Variants in RIC1 observed in about 807,000 individuals in gnomAD.
RIC1 encodes guanine nucleotide exchange factor subunit RIC1.
RIC1 carries 88 observed loss-of-function variants against 169.0 expected under a neutral mutation model. That is an observed-to-expected ratio of 0.52 (90% CI 0.44 to 0.62). The LOEUF is 0.62. Ranked by LOEUF, RIC1 falls within the 20% of genes least tolerant of loss-of-function variation. The pLI, the probability that RIC1 is intolerant of heterozygous loss-of-function variation, is 0.00. For synonymous variants in RIC1, 790 were observed against 601.5 expected, an observed-to-expected ratio of 1.31 and a Z score of -4.59; for missense variants, 1,877 against 1,725.5, an observed-to-expected ratio of 1.09 and a Z score of -1.56.
intron 16 of RIC1, 133 bp downstream of exon 16, chr9:5,756,505 A>C (rs1826026895): frequency 1.9e-6 from 1 of 521,820 alleles, no homozygotes; most frequent in Admixed American, 3.9e-5. Flanking sequence ...AAAAAAAGCA[A>C]GGAGTTTTAA....
rs115503729 is a variant in RIC1, at chr9:5,638,218, C to G, written c.144+8765C>G. Reference sequence around the variant, plus strand: ...ATACCACTTGTTCATGATGAATGATCTTTTTAATATATTGTTGAATCTCAT... The same window carrying G: ...ATACCACTTGTTCATGATGAATGATGTTTTTAATATATTGTTGAATCTCAT... On this transcript the variant is annotated intron_variant, in intron 1 of 25. Transcript: ENST00000414202. Among the ~76,000 whole-genome samples, 605 of 152,236 alleles carry G rather than the reference C, an allele frequency of 4.0e-3. 6 individuals are homozygous for G. Among genetic ancestry groups the G allele is most frequent in the African/African-American group, 0.014 (574 of 41,546 alleles).
At chr9:5,710,713 ATAATTAACAACC>A (rs1822880330) in intron 3 of RIC1, among the ~76,000 whole-genome samples, 1 of 152,210 alleles carries the variant, frequency 6.6e-6, no homozygotes, top group Non-Finnish European at 1.5e-5. Flanking sequence ...GTTTGAGGAA[ATAATTAACAACC>A]TTAGACAGAT....
intron 8 of RIC1, among the ~76,000 whole-genome samples, chr9:5,740,121 C>T (rs949699288): frequency 1.3e-5 from 2 of 152,178 alleles, no homozygotes; most frequent in Non-Finnish European, 2.9e-5. Flanking sequence ...TAGGAGCAAC[C>T]AACTAGCTTC....
At chr9:5,721,305 A>G (rs75415428) in intron 6 of RIC1, among the ~76,000 whole-genome samples, 3,433 of 152,326 alleles carry the variant, frequency 0.023, 138 homozygotes, top group African/African-American at 0.078. Context: ...CTTGTCACAC[A>G]GCCAGGAAAG....
At chr9:5,703,856 C>G (rs1822393492) in intron 3 of RIC1, among the ~76,000 whole-genome samples, 1 of 152,112 alleles carries the variant, frequency 6.6e-6, no homozygotes, top group Non-Finnish European at 1.5e-5. Flanking sequence ...AGCAGTTGTT[C>G]ATGTACAATT....
chr9:5,662,467 G>GTT lies in RIC1; in HGVS notation c.252+5787_252+5788dup, dbSNP rs142644125. Among the ~76,000 whole-genome samples, 1,060 of 145,524 alleles carry GTT rather than the reference G, an allele frequency of 7.3e-3. 13 individuals carry two copies. Among genetic ancestry groups the GTT allele is most frequent in the African/African-American group, 0.021 (817 of 39,692 alleles). On this transcript the variant is annotated intron_variant, in intron 2 of 25. Transcript: ENST00000414202. ...CTGTGAATCTGTCTGTCCTGGGCTG[G>GTT]TTTTTTTTTTTGGGTTGCTAGGCTC... is the stretch of plus-strand genomic sequence containing the variant.
chr9:5,702,265 G>A (rs1822266444), intron 3 of RIC1, among the ~76,000 whole-genome samples: 2 of 152,182 alleles, frequency 1.3e-5, no homozygotes, highest in African/African-American at 4.8e-5. Context: ...TAGCATCTGA[G>A]CTGAGTCATG....
intron 23 of RIC1, 44 bp from the exon 24 acceptor site, chr9:5,772,520 T>G: frequency 6.9e-7 from 1 of 1,459,262 alleles, no homozygotes; most frequent in African/African-American, 1.4e-5. Flanking sequence ...GAAAATATAT[T>G]TTCTCCACGA....
At chr9:5,685,217 A>G (rs922254571) in intron 2 of RIC1, among the ~76,000 whole-genome samples, 1 of 148,988 alleles carries the variant, frequency 6.7e-6, no homozygotes, top group African/African-American at 2.5e-5. Flanking sequence ...TGATTTACAG[A>G]TTCAATGCCA....
chr9:5,649,152 TAAACTC>T (rs1818674369), intron 1 of RIC1, among the ~76,000 whole-genome samples: 1 of 152,028 alleles, frequency 6.6e-6, no homozygotes, highest in Non-Finnish European at 1.5e-5. Flanking sequence ...AAAAAAAAAT[TAAACTC>T]AAAACTATAT....
At chr9:5,680,742 CTTCT>C (rs1227736042) in intron 2 of RIC1, among the ~76,000 whole-genome samples, 3 of 144,790 alleles carry the variant, frequency 2.1e-5, no homozygotes, top group Admixed American at 7.0e-5. Flanking sequence ...TCTCCGTTTT[CTTCT>C]TTATTAGTCT....
chr9:5,629,898 C>T (rs1379705097), intron 1 of RIC1, among the ~76,000 whole-genome samples: 1 of 152,226 alleles, frequency 6.6e-6, no homozygotes, highest in Non-Finnish European at 1.5e-5. Flanking sequence ...TTGGGCTTTA[C>T]CCAGCGCCAG....
chr9:5,666,163 G>T (rs752221751), intron 2 of RIC1, among the ~76,000 whole-genome samples: 15 of 152,190 alleles, frequency 9.9e-5, no homozygotes, highest in Admixed American at 6.5e-4. Flanking sequence ...CCATGAGGAG[G>T]AGTGGATTGA....
chr9:5,755,256 C>A (rs930312180), intron 15 of RIC1, among the ~76,000 whole-genome samples: 1 of 152,130 alleles, frequency 6.6e-6, no homozygotes, highest in Non-Finnish European at 1.5e-5. Flanking sequence ...TATTTAGTTA[C>A]TGATTTACAG....
intron 2 of RIC1, among the ~76,000 whole-genome samples, chr9:5,685,797 G>T (rs1175980988): frequency 7.2e-6 from 1 of 139,694 alleles, no homozygotes; most frequent in Middle Eastern, 3.5e-3. Flanking sequence ...CAACTAAAGA[G>T]CTTCTGCACA....
chr9:5,632,368 CT>C (rs1464221839), intron 1 of RIC1, among the ~76,000 whole-genome samples: 2 of 152,126 alleles, frequency 1.3e-5, no homozygotes, highest in African/African-American at 4.8e-5. Context: ...TTATATGGGT[CT>C]TCTAATGAAC....
At chr9:5,726,902 A>C (rs555173765) in intron 6 of RIC1, among the ~76,000 whole-genome samples, 17 of 152,340 alleles carry the variant, frequency 1.1e-4, no homozygotes, top group African/African-American at 4.1e-4. Context: ...TCTGGCTTGT[A>C]GAGTTTCTGC....
chr9:5,766,202 C>T (rs150318262), intron 21 of RIC1, among the ~76,000 whole-genome samples: 231 of 152,220 alleles, frequency 1.5e-3, no homozygotes, highest in Non-Finnish European at 2.7e-3. Context: ...CCACCACACT[C>T]GGCTAATTTT....
chr9:5,694,999 A>ATTC (rs1393278242), intron 3 of RIC1, among the ~76,000 whole-genome samples: 2 of 152,196 alleles, frequency 1.3e-5, no homozygotes, highest in Non-Finnish European at 2.9e-5. Flanking sequence ...AGATCTTGTT[A>ATTC]TTCTTCTAGT....
Sources: allele counts gnomAD v4.1 joint callset (sites outside exome capture counted in the v4.1 genomes callset), GRCh38; gene constraint gnomAD v4.1.1; transcripts MANE v1.5; gene names NCBI Gene and HGNC (gene_info 2026-07-23, HGNC 2026-07-21).